Variants in AK5 observed in about 807,000 individuals in gnomAD.
The protein encoded by AK5 is adenylate kinase 5.
AK5 carries 27 observed loss-of-function variants against 69.5 expected under a neutral mutation model. That is an observed-to-expected ratio of 0.39 (90% CI 0.29 to 0.54). AK5 has a LOEUF of 0.54. Among genes scored for constraint, AK5 ranks in the 20% least tolerant of loss-of-function variants. AK5 has a pLI of 0.71. For synonymous variants in AK5, 260 were observed against 244.4 expected, an observed-to-expected ratio of 1.06 and a Z score of -0.60; for missense variants, 531 against 700.4, an observed-to-expected ratio of 0.76 and a Z score of 2.73.
Position 77,321,725 on chromosome 1 carries a change from T to C in AK5, c.700-18652T>C, listed in dbSNP as rs536757038. Among the ~76,000 whole-genome samples the C allele has an allele frequency of 5.3e-5, 8 of 152,286 alleles. No individual in the cohort carries two copies. In the South Asian group the frequency reaches 1.7e-3, roughly 32 times the overall value. On this transcript the variant is annotated intron_variant, in intron 5 of 13. Coordinates refer to ENST00000354567, the MANE Select transcript of AK5 (RefSeq NM_174858.3). ...GGTGTCGGCTTTTACCATTTCTATT[T>C]AACGTTGTTAAATAGAAGTAGTAAA...
chr1:77,406,530 T>C (rs1383164899), intron 6 of AK5, among the ~76,000 whole-genome samples: 1 of 152,142 alleles, frequency 6.6e-6, no homozygotes, highest in Non-Finnish European at 1.5e-5. Flanking sequence ...GATATCCTGT[T>C]TTTTCCCCCT....
intron 8 of AK5, among the ~76,000 whole-genome samples, chr1:77,434,139 A>C (rs1651816322): frequency 6.6e-6 from 1 of 150,744 alleles, no homozygotes; most frequent in African/African-American, 2.4e-5. Context: ...TAAATAAATA[A>C]ATAAATAAAT....
At chr1:77,557,859 A>G (rs745933042) in intron 13 of AK5, among the ~76,000 whole-genome samples, 1 of 152,052 alleles carries the variant, frequency 6.6e-6, no homozygotes, top group Non-Finnish European at 1.5e-5. Flanking sequence ...TACTAGTTAC[A>G]CTGCTCTAAA....
At chr1:77,375,133 T>TGAAG (rs888152156) in intron 6 of AK5, among the ~76,000 whole-genome samples, 1 of 152,184 alleles carries the variant, frequency 6.6e-6, no homozygotes, top group Admixed American at 6.5e-5. Flanking sequence ...TAGAGACACT[T>TGAAG]GAAGATACTT....
Position 77,535,990 on chromosome 1 carries a change from G to A in AK5, c.1572G>A (p.Ala524=), listed in dbSNP as rs148897349. The change falls in exon 13 of 14, where the codon GCG becomes GCA. Residue 524 remains alanine (A), a synonymous_variant. Transcript: ENST00000354567. ...IAKRLEAYYR[A]SIPVIAYYET... is the part of the protein sequence containing the mutation. ...AGCGCCTAGAAGCCTACTACCGAGC[G>A]TCCATCCCCGTGATCGCCTACTACG... 229 of 1,613,026 alleles carry A rather than the reference G, an allele frequency of 1.4e-4. 2 individuals are homozygous for A. The African/African-American group carries it at 2.4e-3, about 17-fold the overall frequency.
intron 6 of AK5, among the ~76,000 whole-genome samples, chr1:77,375,880 G>A (rs1647217958): frequency 6.6e-6 from 1 of 152,118 alleles, no homozygotes; most frequent in Admixed American, 6.6e-5. Context: ...CCTAATGACT[G>A]AACATCTGAA....
chr1:77,546,700 ACT>A (rs1659561370), intron 13 of AK5, among the ~76,000 whole-genome samples: 1 of 152,070 alleles, frequency 6.6e-6, no homozygotes, highest in Admixed American at 6.5e-5. Flanking sequence ...ACAGTGTGAG[ACT>A]CTGTCTCTAC....
intron 8 of AK5, among the ~76,000 whole-genome samples, chr1:77,422,145 C>T (rs1158892434): frequency 1.3e-5 from 2 of 152,140 alleles, no homozygotes; most frequent in African/African-American, 2.4e-5. Context: ...TCTCTCTCTT[C>T]CTACATCAGT....
At chr1:77,288,659 T>C (rs1009792421) in intron 2 of AK5, among the ~76,000 whole-genome samples, 1 of 152,156 alleles carries the variant, frequency 6.6e-6, no homozygotes, top group Non-Finnish European at 1.5e-5. Context: ...AAGTCAATGA[T>C]ATGACTCTGA....
At chr1:77,486,694 C>CAAA (rs879594150) in intron 10 of AK5, among the ~76,000 whole-genome samples, 1 of 88,720 alleles carries the variant, frequency 1.1e-5, no homozygotes. Flanking sequence ...AAGACTCTGT[C>CAAA]AAAAAAAAAA....
At chr1:77,403,456 C>G (rs1649386702) in intron 6 of AK5, among the ~76,000 whole-genome samples, 1 of 152,048 alleles carries the variant, frequency 6.6e-6, no homozygotes, top group Non-Finnish European at 1.5e-5. Context: ...TTTAATCCAT[C>G]TTGAATTAAT....
chr1:77,481,555 G>C (rs1655253830), intron 8 of AK5, among the ~76,000 whole-genome samples: 1 of 152,202 alleles, frequency 6.6e-6, no homozygotes, highest in African/African-American at 2.4e-5. Context: ...AAACAGGACA[G>C]CAAGAATCTG....
At chr1:77,318,897 T>C (rs768283676) in intron 5 of AK5, among the ~76,000 whole-genome samples, 2 of 152,198 alleles carry the variant, frequency 1.3e-5, no homozygotes, top group Non-Finnish European at 2.9e-5. Context: ...ATCATATTGC[T>C]GTGTCAGGTT....
At chr1:77,446,760 A>T (rs1362707261) in intron 8 of AK5, among the ~76,000 whole-genome samples, 1 of 152,186 alleles carries the variant, frequency 6.6e-6, no homozygotes, top group Non-Finnish European at 1.5e-5. Context: ...TTACATTTAG[A>T]TGAAGCATGT....
intron 8 of AK5, among the ~76,000 whole-genome samples, chr1:77,426,618 A>G (rs565991615): frequency 6.6e-6 from 1 of 152,322 alleles, no homozygotes; most frequent in African/African-American, 2.4e-5. Context: ...CAATAATACC[A>G]CCAAACACCA....
intron 8 of AK5, among the ~76,000 whole-genome samples, chr1:77,463,692 C>T (rs1475955020): frequency 5.9e-5 from 9 of 152,132 alleles, no homozygotes; most frequent in Non-Finnish European, 7.4e-5. Flanking sequence ...TTAAGAATTT[C>T]CCTCCGTTGT....
chr1:77,545,956 C>T lies in AK5; in HGVS notation c.1620+9918C>T, dbSNP rs561071019. Among the ~76,000 whole-genome samples, 3 of 152,308 alleles carry T rather than the reference C, an allele frequency of 2.0e-5. No homozygotes were observed. In the East Asian group the frequency reaches 5.8e-4, roughly 29 times the overall value. ...AATGAAGCATAAGTCTTCCATCTGG[C>T]TCTGAGAGACTTAAGAGACTTTTTC... On this transcript the variant is annotated intron_variant, in intron 13 of 13. Coordinates refer to ENST00000354567, the MANE Select transcript of AK5 (RefSeq NM_174858.3).
intron 10 of AK5, among the ~76,000 whole-genome samples, chr1:77,486,791 G>A (rs148480446): frequency 1.6e-3 from 249 of 152,064 alleles, no homozygotes; most frequent in Admixed American, 0.012. Context: ...CAAGTTTTCC[G>A]GTTATTTCTT....
chr1:77,418,095 T>C (rs1194224999), intron 8 of AK5, among the ~76,000 whole-genome samples: 4 of 152,150 alleles, frequency 2.6e-5, no homozygotes, highest in Admixed American at 2.6e-4. Context: ...ACTGTATTAG[T>C]CCATTTTCAA....
Sources: allele counts gnomAD v4.1 joint callset (sites outside exome capture counted in the v4.1 genomes callset), GRCh38; gene constraint gnomAD v4.1.1; transcripts MANE v1.5; gene names NCBI Gene and HGNC (gene_info 2026-07-23, HGNC 2026-07-21).